RIC3: variants seen among roughly 807,000 people sequenced by gnomAD.
RIC3 encodes the protein RIC3 acetylcholine receptor chaperone.
Under a neutral mutation model 27.3 loss-of-function variants are expected in RIC3, and 28 were observed. That is an observed-to-expected ratio of 1.02 (90% confidence interval 0.76 to 1.41). The LOEUF (loss-of-function observed/expected upper bound fraction) is 1.41. Among genes scored for constraint, RIC3 ranks in the 40% most tolerant of loss-of-function variants. The pLI is 0.00. For missense variants in RIC3, 501 were observed against 444.7 expected, an observed-to-expected ratio of 1.13 and a Z score of -1.14; for synonymous variants, 184 against 160.4, an observed-to-expected ratio of 1.15 and a Z score of -1.11.
chr11:8,128,912 G>A (rs146639843), intron 4 of RIC3, among the ~76,000 whole-genome samples: 4,972 of 151,740 alleles, frequency 0.033, 262 homozygotes, highest in African/African-American at 0.11. Context: ...CAGCCACCTC[G>A]CCTGGCTAAT....
At position 8,126,060 on chromosome 11, in the gene RIC3, T is replaced by A. The variant is rs367906063; in HGVS notation, c.670+599A>T. On this transcript the variant is annotated intron_variant, in intron 5 of 5. Coordinates refer to ENST00000309737, the MANE Select transcript of RIC3 (RefSeq NM_001206671.4). ...TGAAAAACAAAAACAAAGTTAAATA[T>A]ACAATTACCTTAAACCCAAAAATCT... Among the ~76,000 whole-genome samples, 109 of 152,118 alleles carry A rather than the reference T, an allele frequency of 7.2e-4. 2 individuals carry two copies. The South Asian group carries it at 0.022, about 31-fold the overall frequency.
downstream of RIC3, chr11:8,101,772 G>A (rs1944318441): frequency 7.3e-7 from 1 of 1,378,746 alleles, no homozygotes; most frequent in Non-Finnish European, 9.6e-7. Context: ...GCCAGGAACT[G>A]GCTCCTTTGC....
chr11:8,099,730 A>G, the RIC3 span, among the ~76,000 whole-genome samples: 1 of 152,344 alleles, frequency 6.6e-6, no homozygotes, highest in Non-Finnish European at 1.5e-5. Flanking sequence ...AGAAATGTCA[A>G]GGTATGTGTG....
In RIC3 at chr11:8,138,291, T is replaced by C. The variant is rs1203452626; in HGVS notation, c.408A>G (p.Gly136=). The change falls in exon 3 of 6, where the codon GGA becomes GGG. Residue 136 remains glycine (G), a synonymous_variant. Coordinates refer to ENST00000309737, the MANE Select transcript of RIC3 (RefSeq NM_001206671.4). ...ACTTACTAATTTTCCTGTGGGTGTTTCCAGGCATGGCAGTATAGCATTTCC... is the reference window on the plus strand; with the variant it reads ...ACTTACTAATTTTCCTGTGGGTGTTCCCAGGCATGGCAGTATAGCATTTCC... The part of the protein sequence containing the change: ...EDGKCYTAMP[G]NTHRKITSFE... 1 of 1,613,438 alleles carries C rather than the reference T, an allele frequency of 6.2e-7. No homozygotes were observed. Among genetic ancestry groups the C allele is most frequent in the Non-Finnish European group, 8.5e-7 (1 of 1,179,418 alleles).
intron 1 of RIC3, among the ~76,000 whole-genome samples, chr11:8,163,924 T>G (rs6578935): frequency 0.49 from 73,864 of 151,718 alleles, 19,974 homozygotes; most frequent in African/African-American, 0.73. Context: ...GAACAAAGTT[T>G]GAGGACACAT....
At chr11:8,130,133 T>C (rs1383575698) in intron 4 of RIC3, among the ~76,000 whole-genome samples, 1 of 152,202 alleles carries the variant, frequency 6.6e-6, no homozygotes, top group Non-Finnish European at 1.5e-5. Flanking sequence ...CCAACTCCTC[T>C]TCCATTCATA....
chr11:8,143,602 C>T (rs916138349), intron 1 of RIC3, among the ~76,000 whole-genome samples: 64 of 152,160 alleles, frequency 4.2e-4, no homozygotes, highest in African/African-American at 1.5e-3. Context: ...GGCCATACTG[C>T]CCAAGGTAAT....
downstream of RIC3, chr11:8,101,074 CCT>C: frequency 6.6e-7 from 1 of 1,522,918 alleles, no homozygotes; most frequent in Non-Finnish European, 9.0e-7. Flanking sequence ...CCCACCTAGC[CCT>C]GCCTACACTG....
At chr11:8,142,312 C>A (rs940739450) in intron 1 of RIC3, among the ~76,000 whole-genome samples, 1 of 147,076 alleles carries the variant, frequency 6.8e-6, no homozygotes, top group Non-Finnish European at 1.5e-5. Context: ...AGAGAAGAAT[C>A]AAATAGACAC....
chr11:8,152,109 G>A (rs1295655681), intron 1 of RIC3, among the ~76,000 whole-genome samples: 1 of 152,124 alleles, frequency 6.6e-6, no homozygotes, highest in Non-Finnish European at 1.5e-5. Context: ...AAGTGTTTGA[G>A]GGATGTAAAG....
chr11:8,095,184 T>C, the RIC3 span, among the ~76,000 whole-genome samples: 5 of 152,324 alleles, frequency 3.3e-5, no homozygotes, highest in African/African-American at 1.2e-4. Flanking sequence ...CAGTCCTTGT[T>C]CTCCATCTTG....
intron 1 of RIC3, among the ~76,000 whole-genome samples, chr11:8,141,416 T>C (rs1949053923): frequency 1.3e-5 from 2 of 151,820 alleles, no homozygotes; most frequent in South Asian, 4.2e-4. Flanking sequence ...ACCAACAAGA[T>C]CAAAAGAGAC....
chr11:8,118,527 T>C (rs1188573660), intron 5 of RIC3, among the ~76,000 whole-genome samples: 1 of 66,680 alleles, frequency 1.5e-5, no homozygotes, highest in Non-Finnish European at 2.8e-5. Flanking sequence ...GCCATAATTG[T>C]AAAAAAAAAA....
chr11:8,101,856 G>GATTCGGCGAC, downstream of RIC3: 1 of 482,858 alleles, frequency 2.1e-6, no homozygotes, highest in Non-Finnish European at 3.4e-6. Context: ...TTCTTTCCAT[G>GATTCGGCGAC]CCACGAGATC....
intron 1 of RIC3, among the ~76,000 whole-genome samples, chr11:8,157,298 C>T (rs147813373): frequency 6.6e-6 from 1 of 152,174 alleles, no homozygotes; most frequent in African/African-American, 2.4e-5. Context: ...CTAGTTGGCC[C>T]TCCCTTTAGA....
chr11:8,128,168 T>A, intron 4 of RIC3: 1 of 457,128 alleles, frequency 2.2e-6, no homozygotes, highest in South Asian at 1.5e-5. Context: ...TTCTTACTGT[T>A]AAAACAACCC....
At chr11:8,112,090 T>G (rs941867687) in intron 5 of RIC3, among the ~76,000 whole-genome samples, 13 of 152,206 alleles carry the variant, frequency 8.5e-5, no homozygotes, top group Non-Finnish European at 1.5e-5. Context: ...GTAGGGTGTG[T>G]GTGGAGACAT....
the RIC3 span, chr11:8,097,717 T>C: frequency 2.3e-5 from 37 of 1,612,918 alleles, no homozygotes; most frequent in Non-Finnish European, 3.1e-5. Flanking sequence ...CCCCAAGGTG[T>C]TCCTCCTGGC....
chr11:8,140,873 T>C (rs1208204357), intron 1 of RIC3, among the ~76,000 whole-genome samples: 1 of 151,668 alleles, frequency 6.6e-6, no homozygotes, highest in Non-Finnish European at 1.5e-5. Flanking sequence ...TGGGGGCCAA[T>C]ATTCAACATT....
Sources: gnomAD v4.1 joint callset for allele counts (sites outside exome capture counted in the v4.1 genomes callset) on GRCh38, gnomAD v4.1.1 for gene constraint, MANE v1.5 for transcripts, NCBI Gene and HGNC (gene_info 2026-07-23, HGNC 2026-07-21) for gene names.